ARFGEF3: variants seen among roughly 807,000 people sequenced by gnomAD.
ARFGEF3 encodes brefeldin A-inhibited guanine nucleotide-exchange protein 3.
ARFGEF3 carries 96 observed loss-of-function variants against 221.7 expected under a neutral mutation model. The ratio of observed to expected loss-of-function variants is 0.43; its 90% CI spans 0.37 to 0.51. The LOEUF is 0.51. Ranked by LOEUF, ARFGEF3 falls within the 20% of genes least tolerant of loss-of-function variation. The pLI, the probability that ARFGEF3 is intolerant of heterozygous loss-of-function variation, is 0.00. For missense variants in ARFGEF3, 2,410 were observed against 2,789.9 expected (o/e 0.86, Z 3.07); for synonymous variants, 1,145 against 1,126.8 (o/e 1.02, Z -0.32).
In ARFGEF3 at chr6:138,300,437, A is replaced by G. The variant is rs555122833; in HGVS notation, c.3828+1652A>G. On this transcript the variant is annotated intron_variant, in intron 22 of 33. Transcript: ENST00000251691. The stretch of plus-strand genomic sequence containing the variant: ...TCAGATCAACTTTCTCACAGGGAAC[A>G]ACTAAAAAAAGTTGGATAAAAAAAA... Among the ~76,000 whole-genome samples the G allele has an allele frequency of 7.9e-5, 12 of 152,282 alleles. 1 individual carries two copies. Among genetic ancestry groups the G allele is most frequent in the Admixed American group, 2.6e-4 (4 of 15,296 alleles).
At chr6:138,194,367 T>C (rs1271364453) in intron 2 of ARFGEF3, among the ~76,000 whole-genome samples, 2 of 152,176 alleles carry the variant, frequency 1.3e-5, no homozygotes, top group African/African-American at 4.8e-5. Flanking sequence ...CTGCTGCTGC[T>C]GTTTGCATTT....
At chr6:138,311,555 C>G in intron 25 of ARFGEF3, 45 bp downstream of exon 25, 1 of 1,363,366 alleles carries the variant, frequency 7.3e-7, no homozygotes, top group African/African-American at 1.4e-5. Context: ...AAACCTGCCT[C>G]GGAACATGCT....
chr6:138,234,141 T>A (rs943335625), intron 5 of ARFGEF3, among the ~76,000 whole-genome samples: 1 of 152,182 alleles, frequency 6.6e-6, no homozygotes, highest in African/African-American at 2.4e-5. Context: ...AAGAAGTTGT[T>A]TGGAGTTAGA....
Position 138,307,278 on chromosome 6 carries a change from T to G in ARFGEF3, c.3854T>G (p.Val1285Gly). ...DQVVTSIGELVEVCSTQIQSG... is the reference protein window; with the variant it reads ...DQVVTSIGELGEVCSTQIQSG... ...GTTGTCACATCCATTGGTGAGCTGG[T>G]TGAAGTGTGTTCCACGCAGATCCAG... Residue 1285 changes from valine (V) to glycine (G), a missense_variant, in exon 23 of 34, where the codon GTT becomes GGT. Val to Gly is a moderately radical substitution (Grantham distance 109). This residue lies in a region of ARFGEF3 where 723 missense variants were observed against 991.9 expected (regional missense o/e 0.73). Coordinates refer to ENST00000251691, the MANE Select transcript of ARFGEF3 (RefSeq NM_020340.5). 2 of 1,613,894 alleles carry G rather than the reference T, an allele frequency of 1.2e-6. No homozygotes were observed. The highest frequency in any genetic ancestry group is 1.7e-6 in the Non-Finnish European group (2 of 1,179,802).
chr6:138,231,268 G>A (rs1778186368), intron 5 of ARFGEF3, among the ~76,000 whole-genome samples: 1 of 152,164 alleles, frequency 6.6e-6, no homozygotes. Context: ...GTCCAGATAG[G>A]ATGCAACATT....
rs1428507955 is a variant in ARFGEF3 at position 138,209,972 on chromosome 6, C to G, written c.282C>G (p.Leu94=). ...CAGATTCTGATGAGAAGCAGCTGCT[C>G]AATCAGATACTGAATGCCGTGAAAG... ...METDSDEKQL[L]NQILNAVKVT... The change falls in exon 4 of 34, where the codon CTC becomes CTG. Residue 94 remains leucine, a synonymous_variant. Transcript: ENST00000251691. The G allele has an allele frequency of 1.2e-6, 2 of 1,613,606 alleles. No individual in the cohort carries two copies. The highest frequency in any genetic ancestry group is 1.7e-6 in the Non-Finnish European group (2 of 1,179,710).
In ARFGEF3 at chr6:138,286,763, A is replaced by G. The variant is rs777531104; in HGVS notation, c.2632A>G (p.Thr878Ala). ...CWKNLIDTLS[T>A]PLTGRMAGSS... ...GAAGAACTTGATCGATACTTTATCA[A>G]CCCCACTGACTGGTCGAATGGCGGG... Residue 878 changes from threonine (T) to alanine (A), a missense_variant, in exon 16 of 34, where the codon ACC (threonine) becomes GCC (alanine). By Grantham distance (58) the Thr-to-Ala change is moderately conservative. This residue lies in a region of ARFGEF3 where 594 missense variants were observed against 734.3 expected (regional missense o/e 0.81). Coordinates refer to ENST00000251691, the MANE Select transcript of ARFGEF3 (RefSeq NM_020340.5). The G allele has an allele frequency of 6.2e-7, 1 of 1,614,032 alleles. No homozygotes were observed. Among genetic ancestry groups the G allele is most frequent in the Non-Finnish European group, 8.5e-7 (1 of 1,179,890 alleles).
chr6:138,254,052 G>C (rs1480507984), intron 9 of ARFGEF3, 68 bp downstream of exon 9: 12 of 1,067,558 alleles, frequency 1.1e-5, no homozygotes, highest in African/African-American at 1.6e-5. Context: ...TGTGTCTCTG[G>C]GTCCCTCTCC....
intron 4 of ARFGEF3, among the ~76,000 whole-genome samples, chr6:138,224,748 G>A (rs1414525680): frequency 6.6e-6 from 1 of 152,202 alleles, no homozygotes; most frequent in Non-Finnish European, 1.5e-5. Flanking sequence ...GTGTGTGTGT[G>A]TGCGTGTATG....
chr6:138,305,608 G>GT (rs1779706855), intron 22 of ARFGEF3, among the ~76,000 whole-genome samples: 1 of 127,482 alleles, frequency 7.8e-6, no homozygotes, highest in Admixed American at 8.5e-5. Context: ...GTGAGACCCT[G>GT]TCTCAAAAAA....
At chr6:138,191,647 T>C (rs1221152546) in intron 2 of ARFGEF3, among the ~76,000 whole-genome samples, 2 of 152,202 alleles carry the variant, frequency 1.3e-5, no homozygotes, top group Non-Finnish European at 2.9e-5. Context: ...TAGCTCCAGG[T>C]TAGTACGTCC....
chr6:138,299,742 C>T (rs1779596186), intron 22 of ARFGEF3, among the ~76,000 whole-genome samples: 1 of 152,162 alleles, frequency 6.6e-6, no homozygotes, highest in Non-Finnish European at 1.5e-5. Flanking sequence ...AATCTCAACG[C>T]AAACTTTACA....
intron 2 of ARFGEF3, among the ~76,000 whole-genome samples, chr6:138,196,686 C>T (rs1777429998): frequency 6.6e-6 from 1 of 152,118 alleles, no homozygotes; most frequent in South Asian, 2.1e-4. Flanking sequence ...TTAACTGTGG[C>T]TTACTGTGAC....
chr6:138,336,501 A>G lies in ARFGEF3; in HGVS notation c.*15A>G. 6.3e-7 allele frequency: 1 copy of G among 1,582,146 alleles called. No individual in the cohort carries two copies. The highest frequency in any genetic ancestry group is 8.6e-7 in the Non-Finnish European group (1 of 1,163,472). On this transcript the variant is annotated 3_prime_UTR_variant, in exon 34 of 34. Transcript: ENST00000251691. ...TCATTGTGTAGCCGACTCCTGTTCT[A>G]CTCTCCCACCAAATAACAGTAGTGA...
At chr6:138,330,753 G>A (rs943641708) in intron 32 of ARFGEF3, among the ~76,000 whole-genome samples, 2 of 152,130 alleles carry the variant, frequency 1.3e-5, no homozygotes, top group African/African-American at 4.8e-5. Flanking sequence ...GAAATTTCTA[G>A]GTAATAATTT....
In ARFGEF3 at chr6:138,164,654, G is replaced by A. The variant is rs535886883; in HGVS notation, c.85+2483G>A. On this transcript the variant is annotated intron_variant, in intron 1 of 33. Coordinates refer to ENST00000251691, the MANE Select transcript of ARFGEF3 (RefSeq NM_020340.5). ...GTTTAAGCTGAGCTATACAAAACGG[G>A]ATTTATTTACTCCTTTAACTAAAAT... Among the ~76,000 whole-genome samples the A allele has an allele frequency of 1.2e-4, 19 of 152,276 alleles. No individual in the cohort carries two copies. The East Asian group carries it at 3.3e-3, about 26-fold the overall frequency.
intron 2 of ARFGEF3, among the ~76,000 whole-genome samples, chr6:138,183,915 C>A (rs1194223594): frequency 6.6e-6 from 1 of 152,160 alleles, no homozygotes; most frequent in Non-Finnish European, 1.5e-5. Context: ...CAGCATGTGT[C>A]CACGCTGGGT....
intron 2 of ARFGEF3, among the ~76,000 whole-genome samples, chr6:138,175,151 G>A (rs961476139): frequency 5.3e-5 from 8 of 152,194 alleles, no homozygotes; most frequent in Non-Finnish European, 1.0e-4. Flanking sequence ...TTGATGTGGT[G>A]AGCAACAAGG....
chr6:138,280,780 G>T (rs1429568163), intron 14 of ARFGEF3, among the ~76,000 whole-genome samples: 1 of 152,052 alleles, frequency 6.6e-6, no homozygotes. Context: ...GAACCCGGGA[G>T]GCAGAGGTTG....
Sources: gnomAD v4.1 joint callset for allele counts (sites outside exome capture counted in the v4.1 genomes callset) on GRCh38, gnomAD v4.1.1 for gene constraint, gnomAD v4.1.1 regional missense constraint, MANE v1.5 for transcripts, NCBI Gene and HGNC (gene_info 2026-07-23, HGNC 2026-07-21) for gene names.